VPS53: variants seen among roughly 807,000 people sequenced by gnomAD.
The protein encoded by VPS53 is VPS53 subunit of GARP complex, also known as vacuolar protein sorting-associated protein 53 homolog.
VPS53 carries 70 observed loss-of-function variants against 107.0 expected under a neutral mutation model. The observed-to-expected ratio is 0.65, with a 90% CI of 0.54 to 0.80. The LOEUF is 0.80. Ranked by LOEUF, VPS53 falls within the 30% of genes least tolerant of loss-of-function variation. The pLI is 0.00. For synonymous variants in VPS53, 409 were observed against 393.3 expected, an observed-to-expected ratio of 1.04 and a Z score of -0.47; for missense variants, 917 against 1,049.4, an observed-to-expected ratio of 0.87 and a Z score of 1.74.
Position 516,156 on chromosome 17 carries a change from G to A in VPS53, c.*2972C>T, listed in dbSNP as rs1381924031. On this transcript the variant is annotated 3_prime_UTR_variant, in exon 22 of 22. Coordinates refer to ENST00000437048, the MANE Select transcript of VPS53 (RefSeq NM_001128159.3). ...ATCAGTAGAGAATCTTCACCACGTT[G>A]GCACCAGCTCAAGTGTAGTGTCGGC... 6.6e-6 allele frequency: 1 copy of A among 151,992 alleles called. No homozygotes were observed. The highest frequency in any genetic ancestry group is 1.5e-5 in the Non-Finnish European group (1 of 68,008). The allele number at this position is 151,992 out of a possible 1,614,324, so 9.4% of individuals were successfully genotyped here. A position where few individuals can be genotyped will look rare whatever the true frequency, so the allele number is the denominator to read the frequency against.
At chr17:702,559 G>A (rs1278718948) in intron 2 of VPS53, among the ~76,000 whole-genome samples, 2 of 151,972 alleles carry the variant, frequency 1.3e-5, no homozygotes, top group Non-Finnish European at 2.9e-5. Flanking sequence ...CCAGCTACTC[G>A]GGAGGCTGAG....
chr17:659,422 A>G (rs769507926), intron 5 of VPS53, among the ~76,000 whole-genome samples: 17 of 152,126 alleles, frequency 1.1e-4, no homozygotes, highest in Non-Finnish European at 1.9e-4. Flanking sequence ...CTGGGATTAC[A>G]GGTGTGCTCC....
At chr17:691,099 TA>T (rs1372627678) in intron 4 of VPS53, among the ~76,000 whole-genome samples, 1 of 152,096 alleles carries the variant, frequency 6.6e-6, no homozygotes, top group African/African-American at 2.4e-5. Context: ...GCAAGGATGA[TA>T]AAGGGTCTGG....
chr17:611,384 G>T (rs9889360), intron 11 of VPS53, among the ~76,000 whole-genome samples: 150,870 of 152,300 alleles, frequency 0.99, 74,748 homozygotes, highest in East Asian at 1. Context: ...AAAACCACAA[G>T]GAGATACTAC....
intron 2 of VPS53, among the ~76,000 whole-genome samples, chr17:707,518 C>T (rs1376237068): frequency 1.1e-4 from 5 of 47,440 alleles, no homozygotes; most frequent in Admixed American, 3.2e-4. Context: ...GAGACTTTGT[C>T]TCAAAAAAAA....
intron 8 of VPS53, among the ~76,000 whole-genome samples, chr17:629,428 T>C (rs1344364468): frequency 2.0e-5 from 3 of 152,188 alleles, no homozygotes; most frequent in African/African-American, 4.8e-5. Context: ...ATGGAAATAG[T>C]AACACAAGGC....
At chr17:621,163 C>T (rs917647144) in intron 11 of VPS53, among the ~76,000 whole-genome samples, 2 of 152,162 alleles carry the variant, frequency 1.3e-5, no homozygotes. Context: ...CTTTCTTATA[C>T]ATTTACACAC....
intron 16 of VPS53, chr17:552,810 T>C: frequency 3.2e-6 from 1 of 309,874 alleles, no homozygotes; most frequent in Non-Finnish European, 6.0e-6. Context: ...AGGGACTCAT[T>C]CTGACCCAAC....
chr17:712,709 T>G (rs1973689628), intron 1 of VPS53, among the ~76,000 whole-genome samples: 1 of 152,134 alleles, frequency 6.6e-6, no homozygotes, highest in South Asian at 2.1e-4. Context: ...AAACTTATTC[T>G]TACAAAATAG....
intron 2 of VPS53, among the ~76,000 whole-genome samples, chr17:707,247 C>T (rs1046050681): frequency 9.9e-5 from 15 of 151,880 alleles, no homozygotes; most frequent in African/African-American, 2.9e-4. Flanking sequence ...GTGGGTCGGG[C>T]GCGGTGGCTC....
Position 575,550 on chromosome 17 carries a change from T to C in VPS53, c.1313+10720A>G, listed in dbSNP as rs139477684. 3.6e-3 allele frequency among the ~76,000 whole-genome samples: 514 copies of C among 144,448 alleles called. 7 individuals carry two copies. In the East Asian group the frequency reaches 0.038, roughly 11 times the overall value. The allele number at this position is 144,448 out of a possible 152,430, so 94.8% of individuals were successfully genotyped here. ...CAGAACCTAATGTGTTCCCAGAGAA[T>C]CTCCCTCAGAACCTAATGCGTTCCC... is the stretch of plus-strand genomic sequence containing the variant. On this transcript the variant is annotated intron_variant, in intron 13 of 21. Coordinates refer to ENST00000437048, the MANE Select transcript of VPS53 (RefSeq NM_001128159.3).
chr17:626,195 T>C (rs577463146), intron 10 of VPS53, among the ~76,000 whole-genome samples: 6 of 150,506 alleles, frequency 4.0e-5, no homozygotes, highest in Admixed American at 4.0e-4. Flanking sequence ...GGTGACAAAG[T>C]GAGACCCCGT....
At chr17:694,330 T>C (rs1177749646) in intron 4 of VPS53, among the ~76,000 whole-genome samples, 1 of 152,214 alleles carries the variant, frequency 6.6e-6, no homozygotes, top group East Asian at 1.9e-4. Flanking sequence ...AACGCCGACA[T>C]TCCTGCAGAC....
chr17:595,266 TG>T (rs1197852486), intron 12 of VPS53, among the ~76,000 whole-genome samples: 3 of 75,080 alleles, frequency 4.0e-5, no homozygotes, highest in African/African-American at 1.3e-4. Flanking sequence ...TGGAGGAAGC[TG>T]GGAGATGGGA....
intron 11 of VPS53, among the ~76,000 whole-genome samples, chr17:607,919 T>C (rs1007511992): frequency 2.0e-5 from 3 of 152,180 alleles, no homozygotes; most frequent in African/African-American, 7.2e-5. Flanking sequence ...GTATCTCGTC[T>C]GCCTACACAA....
intron 15 of VPS53, among the ~76,000 whole-genome samples, chr17:555,413 G>A (rs932395832): frequency 2.0e-5 from 3 of 152,092 alleles, no homozygotes; most frequent in African/African-American, 4.8e-5. Context: ...TGGCCATGCT[G>A]GTCTCAAACT....
intron 4 of VPS53, among the ~76,000 whole-genome samples, chr17:668,744 AG>A (rs1971810662): frequency 6.6e-6 from 1 of 152,156 alleles, no homozygotes; most frequent in African/African-American, 2.4e-5. Flanking sequence ...CATGCAGCTA[AG>A]AAAGGCAAAA....
chr17:684,036 A>T (rs1044221631), intron 4 of VPS53, among the ~76,000 whole-genome samples: 4 of 152,252 alleles, frequency 2.6e-5, no homozygotes, highest in Non-Finnish European at 5.9e-5. Flanking sequence ...CTCTCACATT[A>T]CATGTGAAGT....
intron 13 of VPS53, among the ~76,000 whole-genome samples, chr17:585,040 T>A (rs959212171): frequency 1.1e-4 from 16 of 152,196 alleles, no homozygotes; most frequent in Admixed American, 2.0e-4. Flanking sequence ...AATCAAGGGA[T>A]GCGAAATGAG....
Sources: gnomAD v4.1 joint callset for allele counts (sites outside exome capture counted in the v4.1 genomes callset) on GRCh38, gnomAD v4.1.1 for gene constraint, MANE v1.5 for transcripts, NCBI Gene and HGNC (gene_info 2026-07-23, HGNC 2026-07-21) for gene names.